Variants in BCKDHA observed in about 807,000 individuals in gnomAD.
BCKDHA encodes the protein 2-oxoisovalerate dehydrogenase subunit alpha, mitochondrial.
In BCKDHA, 43 loss-of-function variants were observed where a neutral mutation model predicts 52.2. The ratio of observed to expected loss-of-function variants is 0.82; its 90% CI spans 0.64 to 1.06. The LOEUF (loss-of-function observed/expected upper bound fraction) is 1.06, where lower values mean the gene tolerates loss of function less well. Ranked by LOEUF, BCKDHA falls within the 50% of genes least tolerant of loss-of-function variation. The probability of loss-of-function intolerance (pLI) is 0.00; values close to 1 mark genes in which losing one functional copy is unlikely to be tolerated. For missense variants in BCKDHA, 527 were observed against 621.3 expected (o/e 0.85, Z 1.61); for synonymous variants, 234 against 247.9 (o/e 0.94, Z 0.53).
At chr19:41,411,399 C>G (rs1005648130) in intron 3 of BCKDHA, among the ~76,000 whole-genome samples, 2 of 152,102 alleles carry the variant, frequency 1.3e-5, no homozygotes, top group Non-Finnish European at 2.9e-5. Context: ...CTGATAAATC[C>G]TAGTATCAGG....
intron 1 of BCKDHA, among the ~76,000 whole-genome samples, chr19:41,404,220 A>G (rs1430713664): frequency 6.6e-6 from 1 of 151,884 alleles, no homozygotes; most frequent in Non-Finnish European, 1.5e-5. Flanking sequence ...CTTCGAGTGA[A>G]CTGCCTGCCC....
intron 1 of BCKDHA, among the ~76,000 whole-genome samples, chr19:41,399,043 C>T (rs935542507): frequency 6.6e-6 from 1 of 151,908 alleles, no homozygotes; most frequent in African/African-American, 2.4e-5. Flanking sequence ...AAAGGGGTGA[C>T]CTTGGGAAGG....
At chr19:41,418,689 C>G (rs1186902422) in intron 4 of BCKDHA, 8 of 446,832 alleles carry the variant, frequency 1.8e-5, no homozygotes, top group Non-Finnish European at 3.6e-5. Flanking sequence ...CATCACCATG[C>G]CTGGCTAATG....
intron 4 of BCKDHA, among the ~76,000 whole-genome samples, chr19:41,416,105 G>A (rs1245843355): frequency 6.6e-6 from 1 of 152,034 alleles, no homozygotes; most frequent in Non-Finnish European, 1.5e-5. Context: ...CACCATGCCT[G>A]GCTAATTTTT....
rs1480623363 is a variant in BCKDHA at position 41,423,055 on chromosome 19, C to T, written c.1053C>T (p.Val351=). ...CAGCGTACCGCTCGGTGGATGAGGT[C>T]AATTACTGGGATAAACAGGACCACC... The part of the protein sequence containing the change: ...DSSAYRSVDE[V]NYWDKQDHPI... The change falls in exon 8 of 9, where the codon GTC becomes GTT. Residue 351 remains valine, a synonymous_variant. Transcript: ENST00000269980. 4 of 1,600,418 alleles carry T rather than the reference C, an allele frequency of 2.5e-6. No homozygotes were observed. Among genetic ancestry groups the T allele is most frequent in the Non-Finnish European group, 3.4e-6 (4 of 1,173,532 alleles).
At chr19:41,417,741 A>G (rs564055629) in intron 4 of BCKDHA, among the ~76,000 whole-genome samples, 4 of 152,154 alleles carry the variant, frequency 2.6e-5, no homozygotes, top group East Asian at 1.9e-4. Flanking sequence ...CCTGACCAAC[A>G]TGGAGAAACC....
Position 41,421,295 on chromosome 19 carries a change from T to C in BCKDHA, c.647-869T>C, listed in dbSNP as rs908176343. 2.0e-5 allele frequency among the ~76,000 whole-genome samples: 3 copies of C among 151,614 alleles called. No homozygotes were observed. The South Asian group carries it at 6.3e-4, about 32-fold the overall frequency. ...CTCAGCCCTCCTGGTGCTGCCATTG[T>C]GGTGGGGGAGACGGACAGTAACAGA... On this transcript the variant is annotated intron_variant, in intron 5 of 8. Coordinates refer to ENST00000269980, the MANE Select transcript of BCKDHA (RefSeq NM_000709.4).
intron 4 of BCKDHA, among the ~76,000 whole-genome samples, chr19:41,416,780 G>A (rs1028990600): frequency 5.9e-5 from 9 of 152,168 alleles, no homozygotes; most frequent in Admixed American, 2.0e-4. Flanking sequence ...TTAGCCAGGC[G>A]TGGTGGTGCA....
At chr19:41,409,285 C>T (rs1002957684) in intron 1 of BCKDHA, among the ~76,000 whole-genome samples, 9 of 152,282 alleles carry the variant, frequency 5.9e-5, no homozygotes, top group Admixed American at 1.3e-4. Flanking sequence ...CTGGTTATCC[C>T]TCAGGTTTCA....
rs752735984 is a variant in BCKDHA, at chr19:41,424,581, C to G, written c.1311C>G (p.His437Gln). ...LARHLQTYGEHYPLDHFDK is the reference protein window; with the variant it reads ...LARHLQTYGEQYPLDHFDK ...GCCACCTGCAGACCTACGGGGAGCA[C>G]TACCCACTGGATCACTTCGATAAGT... The change falls in exon 9 of 9, where the codon CAC becomes CAG. Residue 437 changes from histidine (H) to glutamine (Q), a missense_variant. Coordinates refer to ENST00000269980, the MANE Select transcript of BCKDHA (RefSeq NM_000709.4). 1.2e-6 allele frequency: 2 copies of G among 1,612,070 alleles called. No homozygotes were observed. The highest frequency in any genetic ancestry group is 4.5e-5 in the East Asian group (2 of 44,842).
chr19:41,421,289 C>T (rs1056093209), intron 5 of BCKDHA, among the ~76,000 whole-genome samples: 1 of 152,120 alleles, frequency 6.6e-6, no homozygotes, highest in Non-Finnish European at 1.5e-5. Flanking sequence ...CCTGGTGCTG[C>T]CATTGTGGTG....
intron 3 of BCKDHA, among the ~76,000 whole-genome samples, 196 bp from the exon 4 acceptor site, chr19:41,413,853 C>T (rs569541660): frequency 1.2e-4 from 18 of 152,286 alleles, no homozygotes; most frequent in Middle Eastern, 6.8e-3. Context: ...CACAGCAACT[C>T]GATCCCTCTG....
intron 1 of BCKDHA, among the ~76,000 whole-genome samples, chr19:41,409,935 G>A (rs1319449504): frequency 1.3e-5 from 2 of 151,844 alleles, no homozygotes; most frequent in Non-Finnish European, 2.9e-5. Flanking sequence ...TGAGTAGCTG[G>A]GACTACAGGC....
chr19:41,402,668 G>A (rs2039150345), intron 1 of BCKDHA, among the ~76,000 whole-genome samples: 1 of 152,076 alleles, frequency 6.6e-6, no homozygotes, highest in Admixed American at 6.6e-5. Context: ...TTGAGACGGA[G>A]TCTTGCTCTG....
At chr19:41,403,136 A>C (rs2039155596) in intron 1 of BCKDHA, among the ~76,000 whole-genome samples, 1 of 152,220 alleles carries the variant, frequency 6.6e-6, no homozygotes, top group Non-Finnish European at 1.5e-5. Context: ...AAACAGGGAC[A>C]GTGATACCTG....
chr19:41,409,123 T>C (rs2123251366), intron 1 of BCKDHA, among the ~76,000 whole-genome samples: 1 of 152,192 alleles, frequency 6.6e-6, no homozygotes, highest in East Asian at 1.9e-4. Flanking sequence ...CTAATTTTTG[T>C]ATTTTTGGTA....
intron 4 of BCKDHA, among the ~76,000 whole-genome samples, chr19:41,414,449 A>G (rs1703996411): frequency 6.6e-6 from 1 of 152,068 alleles, no homozygotes; most frequent in Admixed American, 6.6e-5. Context: ...TCTAATCTCC[A>G]GAAGAGGGAT....
At position 41,397,890 on chromosome 19, in the gene BCKDHA, C is replaced by G. The variant is rs140322984; in HGVS notation, c.63C>G (p.Ala21=). 5.1e-5 allele frequency: 82 copies of G among 1,613,986 alleles called. No individual in the cohort carries two copies. The highest frequency in any genetic ancestry group is 6.7e-5 in the Non-Finnish European group (79 of 1,180,026). ...WRLNRGLSQA[A]LLLLRQPGAR... ...TAAACCGTGGTTTGAGCCAGGCTGC[C>G]CTCCTGCTGCTGCGGCAGCCTGGGG... The change falls in exon 1 of 9, where the codon GCC becomes GCG. Residue 21 remains alanine (A), a synonymous_variant. Coordinates refer to ENST00000269980, the MANE Select transcript of BCKDHA (RefSeq NM_000709.4).
intron 7 of BCKDHA, 106 bp downstream of exon 7, chr19:41,422,876 T>G: frequency 6.3e-7 from 1 of 1,589,834 alleles, no homozygotes; most frequent in Non-Finnish European, 8.6e-7. Flanking sequence ...CACCTGATGT[T>G]GCATCTCCCC....
Sources: allele counts gnomAD v4.1 joint callset (sites outside exome capture counted in the v4.1 genomes callset), GRCh38; gene constraint gnomAD v4.1.1; transcripts MANE v1.5; gene names NCBI Gene and HGNC (gene_info 2026-07-23, HGNC 2026-07-21).